ZNF200: variants seen among roughly 807,000 people sequenced by gnomAD.
ZNF200 encodes the protein zinc finger protein 200.
Under a neutral mutation model 33.6 loss-of-function variants are expected in ZNF200, and 35 were observed. The observed-to-expected ratio is 1.04, with a 90% confidence interval of 0.80 to 1.38. The LOEUF (loss-of-function observed/expected upper bound fraction) is 1.38, where lower values mean the gene tolerates loss of function less well. ZNF200 is among the 40% of genes most tolerant of loss of function. ZNF200 has a pLI of 0.00. For synonymous variants in ZNF200, 209 were observed against 167.7 expected, an observed-to-expected ratio of 1.25 and a Z score of -1.90; for missense variants, 592 against 470.6, an observed-to-expected ratio of 1.26 and a Z score of -2.39.
chr16:3,223,749 G>T lies in ZNF200; in HGVS notation c.*143C>A. On this transcript the variant is annotated 3_prime_UTR_variant, in exon 5 of 5. Transcript: ENST00000414144. ...AATTTTCTAGCAATTTGAGGTTTTA[G>T]CTAAGATGGGCATTTATCCAATTTT... The T allele has an allele frequency of 1.6e-6, 2 of 1,277,460 alleles. No homozygotes were observed. The highest frequency in any genetic ancestry group is 1.1e-6 in the Non-Finnish European group (1 of 943,282). 79.1% of individuals were successfully genotyped at this position (1,277,460 alleles called of 1,614,324 possible).
Position 3,232,798 on chromosome 16 carries a change from T to C in ZNF200, c.339+35A>G, listed in dbSNP as rs777338821. ...CAGGTTGGCCAAGCACGGAAGGTGA[T>C]GGATTCAGGCAGTAAATGGGAAAAC... On this transcript the variant is annotated intron_variant, in intron 3 of 4. Transcript: ENST00000414144. The C allele has an allele frequency of 3.1e-6, 5 of 1,604,390 alleles. No homozygotes were observed. The South Asian group carries it at 4.4e-5, about 14-fold the overall frequency.
At position 3,234,431 on chromosome 16, in the gene ZNF200, A is replaced by C. The variant is rs146457814; in HGVS notation, c.-82+556T>G. On this transcript the variant is annotated intron_variant, in intron 1 of 4. Coordinates refer to ENST00000414144, the MANE Select transcript of ZNF200 (RefSeq NM_198088.3). Reference sequence around the variant, plus strand: ...AAGAAAGGAAAAGAGAAAGGAAAGAAGGAGGAAGGGAATCAGGGAAGAGAA... The same window carrying C: ...AAGAAAGGAAAAGAGAAAGGAAAGACGGAGGAAGGGAATCAGGGAAGAGAA... 6.7e-3 allele frequency among the ~76,000 whole-genome samples: 1,023 copies of C among 152,222 alleles called. 7 individuals are homozygous for C. Among genetic ancestry groups the C allele is most frequent in the African/African-American group, 0.022 (910 of 41,546 alleles).
At chr16:3,231,711 T>C (rs992291209) in intron 4 of ZNF200, among the ~76,000 whole-genome samples, 1 of 152,150 alleles carries the variant, frequency 6.6e-6, no homozygotes, top group African/African-American at 2.4e-5. Context: ...ATTGACAAAA[T>C]TATGAGAAAT....
chr16:3,234,959 T>G (rs897435473), intron 1 of ZNF200, 28 bp downstream of exon 1: 7 of 152,338 alleles, frequency 4.6e-5, no homozygotes, highest in Non-Finnish European at 8.8e-5. Flanking sequence ...GGCCTCAGCC[T>G]GGTTCCCGCC....
chr16:3,226,276 T>A (rs1224340992), intron 4 of ZNF200: 1 of 151,952 alleles, frequency 6.6e-6, no homozygotes. Context: ...ATGGTCTTGA[T>A]GATCTCCTGA....
chr16:3,227,800 T>A (rs1958510862), intron 4 of ZNF200: 1 of 152,242 alleles, frequency 6.6e-6, no homozygotes, highest in South Asian at 2.1e-4. Flanking sequence ...GTTTCCTTTA[T>A]AAATTACCAA....
intron 1 of ZNF200, among the ~76,000 whole-genome samples, chr16:3,234,384 A>G (rs2141651913): frequency 1.3e-5 from 2 of 152,290 alleles, no homozygotes; most frequent in Middle Eastern, 3.4e-3. Flanking sequence ...TGAGCGACAA[A>G]GCAAGACCCT....
At chr16:3,233,056 T>G in intron 2 of ZNF200, 135 bp from the exon 3 acceptor site, 3 of 729,004 alleles carry the variant, frequency 4.1e-6, no homozygotes, top group Admixed American at 2.6e-5. Flanking sequence ...TGAGCCCTTA[T>G]AGAGTTCAAG....
intron 3 of ZNF200, 93 bp downstream of exon 3, chr16:3,232,740 G>T: frequency 6.8e-7 from 1 of 1,460,272 alleles, no homozygotes; most frequent in Non-Finnish European, 9.4e-7. Context: ...AAACACCCAA[G>T]AAGGCCAACT....
Position 3,232,425 on chromosome 16 carries a change from T to G in ZNF200, c.462A>C (p.Leu154Phe), listed in dbSNP as rs746832281. ...EDDSSVGEMMLLAVNGSNPEG... is the reference protein window; with the variant it reads ...EDDSSVGEMMFLAVNGSNPEG... ...ACAAAGGCTGTGATTTCTTACCCAGTAACATCATTTCCCCGACACTGCTGT... is the reference window on the plus strand; with the variant it reads ...ACAAAGGCTGTGATTTCTTACCCAGGAACATCATTTCCCCGACACTGCTGT... The change falls in exon 4 of 5, where the codon TTA (leucine) becomes TTC (phenylalanine). Residue 154 changes from leucine to phenylalanine, a missense_variant. By Grantham distance (22) the Leu-to-Phe change is conservative. Transcript: ENST00000414144. 2 of 1,613,660 alleles carry G rather than the reference T, an allele frequency of 1.2e-6. No individual in the cohort carries two copies. The highest frequency in any genetic ancestry group is 1.7e-6 in the Non-Finnish European group (2 of 1,179,802).
intron 4 of ZNF200, chr16:3,227,499 T>C (rs1191642674): frequency 6.6e-6 from 1 of 152,260 alleles, no homozygotes; most frequent in Non-Finnish European, 1.5e-5. Context: ...CCTTTATGGT[T>C]AGGCTTTGTG....
At chr16:3,231,954 T>A (rs991902653) in intron 4 of ZNF200, among the ~76,000 whole-genome samples, 3 of 152,230 alleles carry the variant, frequency 2.0e-5, no homozygotes, top group African/African-American at 7.2e-5. Context: ...GACTAGTGCC[T>A]AGCATGTAAC....
chr16:3,224,869 C>T, intron 4 of ZNF200: 1 of 479,962 alleles, frequency 2.1e-6, no homozygotes, highest in South Asian at 2.6e-5. Context: ...AATGTTTGTT[C>T]TCTTCATAGG....
intron 3 of ZNF200, 39 bp downstream of exon 3, chr16:3,232,794 G>A (rs1248489390): frequency 6.3e-7 from 1 of 1,599,666 alleles, no homozygotes; most frequent in East Asian, 2.2e-5. Flanking sequence ...AGCACGGAAG[G>A]TGATGGATTC....
chr16:3,223,289 G>C lies in ZNF200; in HGVS notation c.*603C>G, dbSNP rs980559815. Reference sequence around the variant, plus strand: ...TTTATCACAAATTGTAAATATTATTGAAATTGATTGCAAATTTAGATCACA... The same window carrying C: ...TTTATCACAAATTGTAAATATTATTCAAATTGATTGCAAATTTAGATCACA... On this transcript the variant is annotated 3_prime_UTR_variant, in exon 5 of 5. Transcript: ENST00000414144. The C allele has an allele frequency of 6.6e-6, 1 of 152,238 alleles. No homozygotes were observed. The highest frequency in any genetic ancestry group is 1.5e-5 in the Non-Finnish European group (1 of 68,076). The allele number at this position is 152,238 out of a possible 1,614,324, so 9.4% of individuals were successfully genotyped here. A position where few individuals can be genotyped will look rare whatever the true frequency, so the allele number is the denominator to read the frequency against.
At chr16:3,233,952 A>G in intron 1 of ZNF200, 116 bp from the exon 2 acceptor site, 1 of 719,972 alleles carries the variant, frequency 1.4e-6, no homozygotes, top group Non-Finnish European at 2.1e-6. Flanking sequence ...CAGCTGGGAT[A>G]GGGAAATCAT....
chr16:3,226,115 C>T (rs1958465046), intron 4 of ZNF200: 1 of 147,062 alleles, frequency 6.8e-6, no homozygotes. Flanking sequence ...TGCAATGGCA[C>T]CATCTCAGTT....
At chr16:3,224,673 A>C (rs1958422682) in intron 4 of ZNF200, 60 bp from the exon 5 acceptor site, 1 of 1,512,880 alleles carries the variant, frequency 6.6e-7, no homozygotes, top group Middle Eastern at 2.3e-4. Context: ...GGCAGGAAAA[A>C]ACAAGTCAGG....
chr16:3,232,835 C>G lies in ZNF200; in HGVS notation c.337G>C (p.Glu113Gln). 6.2e-7 allele frequency: 1 copy of G among 1,613,796 alleles called. No homozygotes were observed. Among genetic ancestry groups the G allele is most frequent in the Non-Finnish European group, 8.5e-7 (1 of 1,179,782 alleles). The change falls in exon 3 of 5, where the codon GAG becomes CAG. Residue 113 changes from glutamate to glutamine, a missense_variant and splice_region_variant. Transcript: ENST00000414144. Reference protein sequence around the residue: ...TVSLYLKANPEELVVFEDLNV... With the variant: ...TVSLYLKANPQELVVFEDLNV... The stretch of plus-strand genomic sequence containing the variant: ...GTAAATGGGAAAACCAAACCCACCT[C>G]AGGGTTAGCTTTCAAATACAGAGAC...
Sources: gnomAD v4.1 joint callset for allele counts (sites outside exome capture counted in the v4.1 genomes callset) on GRCh38, gnomAD v4.1.1 for gene constraint, MANE v1.5 for transcripts, NCBI Gene and HGNC (gene_info 2026-07-23, HGNC 2026-07-21) for gene names.